IFT74: variants seen among roughly 807,000 people sequenced by gnomAD.
The protein encoded by IFT74 is intraflagellar transport 74.
A neutral mutation model predicts 96.7 loss-of-function variants in IFT74; 92 were observed. The ratio of observed to expected loss-of-function variants is 0.95; its 90% CI spans 0.80 to 1.13. The LOEUF is 1.13. Among genes scored for constraint, IFT74 ranks in the 50% most tolerant of loss-of-function variants. The pLI is 0.00. For synonymous variants in IFT74, 223 were observed against 213.2 expected (o/e 1.05, Z -0.40); for missense variants, 811 against 698.2 (o/e 1.16, Z -1.82).
In IFT74 at chr9:27,047,178, G is replaced by C. The variant is rs560487107; in HGVS notation, c.1109-96G>C. Reference sequence around the variant, plus strand: ...AGAGTGAGACTCTGTCTCAAAAAAAGAAAATTCTAAAAAGCACTCTTAAGA... The same window carrying C: ...AGAGTGAGACTCTGTCTCAAAAAAACAAAATTCTAAAAAGCACTCTTAAGA... On this transcript the variant is annotated intron_variant, in intron 14 of 19. Transcript: ENST00000380062. 2.9e-4 allele frequency: 203 copies of C among 710,376 alleles called. 3 individuals are homozygous for C. The South Asian group carries it at 3.8e-3, about 13-fold the overall frequency. The allele number at this position is 710,376 out of a possible 1,614,324, so 44.0% of individuals were successfully genotyped here. A position where few individuals can be genotyped will look rare whatever the true frequency, so the allele number is the denominator to read the frequency against.
intron 2 of IFT74, among the ~76,000 whole-genome samples, chr9:26,966,457 G>C (rs1194411701): frequency 1.3e-5 from 2 of 151,986 alleles, no homozygotes; most frequent in Non-Finnish European, 2.9e-5. Flanking sequence ...ATACCTGTTT[G>C]ACGTTTGTAT....
chr9:26,959,820 A>G (rs935054583), intron 1 of IFT74, among the ~76,000 whole-genome samples: 1 of 152,220 alleles, frequency 6.6e-6, no homozygotes, highest in Non-Finnish European at 1.5e-5. Flanking sequence ...GTATCTTAAC[A>G]AGGATAAATC....
At chr9:26,953,473 T>G (rs562103923), upstream of IFT74, among the ~76,000 whole-genome samples, 85 of 152,194 alleles carry the variant, frequency 5.6e-4, no homozygotes, top group Non-Finnish European at 1.1e-3. Context: ...TTCCTAGAAG[T>G]GGAGTTACTG....
chr9:27,048,401 G>A (rs1361830033), intron 16 of IFT74, 127 bp downstream of exon 16: 3 of 617,024 alleles, frequency 4.9e-6, no homozygotes, highest in Non-Finnish European at 8.0e-6. Flanking sequence ...AGAATTATGT[G>A]TGGCTTTTTT....
intron 14 of IFT74, among the ~76,000 whole-genome samples, chr9:27,045,070 G>C (rs1377815954): frequency 6.6e-6 from 1 of 152,148 alleles, no homozygotes; most frequent in Non-Finnish European, 1.5e-5. Context: ...TATAGACCAG[G>C]GGTCCCCAAT....
chr9:27,061,174 C>A (rs12005119), intron 19 of IFT74, among the ~76,000 whole-genome samples: 4 of 151,762 alleles, frequency 2.6e-5, no homozygotes, highest in African/African-American at 9.7e-5. Flanking sequence ...TGTGTGCGCA[C>A]GCACGTGCCC....
chr9:27,055,448 AT>A (rs1035898645), intron 16 of IFT74, among the ~76,000 whole-genome samples, 160 bp from the exon 17 acceptor site: 7 of 151,402 alleles, frequency 4.6e-5, no homozygotes, highest in South Asian at 4.2e-4. Context: ...GGGGATGAGT[AT>A]TTTTTTTTCT....
intron 13 of IFT74, among the ~76,000 whole-genome samples, chr9:27,041,592 G>A (rs934424973): frequency 3.9e-5 from 6 of 152,034 alleles, no homozygotes; most frequent in East Asian, 1.9e-4. Flanking sequence ...TCTCCTCATT[G>A]TTGATTCTAC....
chr9:26,990,275 G>T (rs1338968232), intron 8 of IFT74, 80 bp downstream of exon 8: 1 of 700,284 alleles, frequency 1.4e-6, no homozygotes. Context: ...TTATTTCCTT[G>T]TAAATTTTCT....
In IFT74 at chr9:26,978,553, G is replaced by A. The variant is rs567760574; in HGVS notation, c.256+290G>A. 3.4e-4 allele frequency among the ~76,000 whole-genome samples: 52 copies of A among 152,220 alleles called. 3 individuals are homozygous for A. Among genetic ancestry groups the A allele is most frequent in the Admixed American group, 3.2e-3 (49 of 15,278 alleles). ...GAATTAGAAAGCTATATACAGATAT[G>A]AGCTATTTCAGTCTTCATTTTTCTG... On this transcript the variant is annotated intron_variant, in intron 3 of 19. Transcript: ENST00000380062.
At chr9:27,040,288 C>T (rs547465857) in intron 13 of IFT74, among the ~76,000 whole-genome samples, 232 of 152,186 alleles carry the variant, frequency 1.5e-3, no homozygotes, top group Middle Eastern at 6.8e-3. Context: ...CAGTGGCTCA[C>T]GCCTGTAATC....
intron 10 of IFT74, among the ~76,000 whole-genome samples, chr9:27,013,589 T>A (rs1829212873): frequency 6.6e-6 from 1 of 152,260 alleles, no homozygotes; most frequent in Non-Finnish European, 1.5e-5. Context: ...TTTTCCAGTT[T>A]TAGCTATTTT....
intron 13 of IFT74, chr9:27,036,316 A>T: frequency 7.9e-7 from 1 of 1,260,854 alleles, no homozygotes; most frequent in Non-Finnish European, 1.1e-6. Flanking sequence ...TTTCCCAGAG[A>T]ATGTATATTT....
At chr9:27,038,178 G>A (rs1350116958) in intron 13 of IFT74, among the ~76,000 whole-genome samples, 1 of 152,206 alleles carries the variant, frequency 6.6e-6, no homozygotes, top group Non-Finnish European at 1.5e-5. Context: ...GTCAGTGCAT[G>A]TTGGAAGCCA....
intron 10 of IFT74, among the ~76,000 whole-genome samples, 157 bp downstream of exon 10, chr9:27,012,125 C>T (rs1053273581): frequency 6.6e-6 from 1 of 152,010 alleles, no homozygotes; most frequent in African/African-American, 2.4e-5. Flanking sequence ...CACAAAGATC[C>T]TAGTATGGTA....
intron 2 of IFT74, among the ~76,000 whole-genome samples, chr9:26,966,402 G>C (rs558863681): frequency 1.1e-4 from 16 of 152,034 alleles, no homozygotes; most frequent in South Asian, 4.2e-4. Context: ...CTGTAGTTTT[G>C]ATTTGCATTT....
chr9:27,009,227 A>G, intron 9 of IFT74, 69 bp downstream of exon 9: 1 of 1,371,162 alleles, frequency 7.3e-7, no homozygotes, highest in South Asian at 1.4e-5. Context: ...TTTGAATATC[A>G]GCAGCATCAG....
rs1820555610 is a variant in IFT74, at chr9:27,064,705, C to T, written c.*1969C>T. Among the ~76,000 whole-genome samples the T allele has an allele frequency of 6.6e-6, 1 of 151,946 alleles. No homozygotes were observed. Among genetic ancestry groups the T allele is most frequent in the South Asian group, 2.1e-4 (1 of 4,818 alleles). ...GTGGATAGGTAATCTTTGTTTTCCT[C>T]ATTTGAAAGCAAATTTAAATGCCTT... On this transcript the variant is annotated 3_prime_UTR_variant, in exon 20 of 20. Transcript: ENST00000380062.
chr9:26,960,084 T>C (rs934557987), intron 1 of IFT74, among the ~76,000 whole-genome samples: 2 of 152,200 alleles, frequency 1.3e-5, no homozygotes, highest in Non-Finnish European at 2.9e-5. Flanking sequence ...TAGTGACTTC[T>C]TGAATGGGGA....
Sources: allele counts gnomAD v4.1 joint callset (sites outside exome capture counted in the v4.1 genomes callset), GRCh38; gene constraint gnomAD v4.1.1; transcripts MANE v1.5; gene names NCBI Gene and HGNC (gene_info 2026-07-23, HGNC 2026-07-21).